The following HIF3A variants were observed in gnomAD, a reference collection of about 807,000 sequenced individuals.
HIF3A encodes hypoxia-inducible factor 3-alpha.
A neutral mutation model predicts 67.2 loss-of-function variants in HIF3A; 41 were observed. The ratio of observed to expected loss-of-function variants is 0.61; its 90% CI spans 0.48 to 0.79. The LOEUF is 0.79. HIF3A is among the 30% of genes least tolerant of loss of function. The pLI, the probability that HIF3A is intolerant of heterozygous loss-of-function variation, is 0.00. For missense variants in HIF3A, 855 were observed against 898.0 expected (o/e 0.95, Z 0.61); for synonymous variants, 356 against 374.8 (o/e 0.95, Z 0.58).
chr19:46,298,251 G>A (rs141357773), intron 1 of HIF3A: 13 of 403,446 alleles, frequency 3.2e-5, no homozygotes, highest in Non-Finnish European at 3.7e-5. Context: ...CCAGGCCCTG[G>A]CTCTGGGCCT....
At chr19:46,333,831 C>G (rs1156639696) in intron 13 of HIF3A, among the ~76,000 whole-genome samples, 1 of 112,692 alleles carries the variant, frequency 8.9e-6, no homozygotes, top group African/African-American at 3.6e-5. Flanking sequence ...CTCACTCTGT[C>G]GCCCAGGCTG....
At chr19:46,336,535 G>T (rs1971634924) in intron 14 of HIF3A, among the ~76,000 whole-genome samples, 1 of 151,878 alleles carries the variant, frequency 6.6e-6, no homozygotes, top group Non-Finnish European at 1.5e-5. Flanking sequence ...ACTTGACTTT[G>T]TGTGTTTGTG....
chr19:46,329,442 C>A lies in HIF3A; in HGVS notation c.1676C>A (p.Pro559His). 11 of 1,549,500 alleles carry A rather than the reference C, an allele frequency of 7.1e-6. No individual in the cohort carries two copies. Among genetic ancestry groups the A allele is most frequent in the Non-Finnish European group, 9.6e-6 (11 of 1,146,826 alleles). Residue 559 changes from proline to histidine, a missense_variant, in exon 12 of 15, where the codon CCC (proline) becomes CAC (histidine). This residue lies in a region of HIF3A where 199 missense variants were observed against 193.8 expected (regional missense o/e 1.03). Coordinates refer to ENST00000377670, the MANE Select transcript of HIF3A (RefSeq NM_152795.4). Reference sequence around the variant, plus strand: ...TGCTCCAGCCCTTCCAGAGGGGACCCCTCAGCATCCTCTCCCATGGCTGGG... The same window carrying A: ...TGCTCCAGCCCTTCCAGAGGGGACCACTCAGCATCCTCTCCCATGGCTGGG... ...LSCSSPSRGDPSASSPMAGAR... is the reference protein window; with the variant it reads ...LSCSSPSRGDHSASSPMAGAR...
chr19:46,309,007 G>T, intron 5 of HIF3A, 144 bp from the exon 6 acceptor site: 1 of 743,076 alleles, frequency 1.3e-6, no homozygotes, highest in South Asian at 1.9e-5. Context: ...CTGGGGCTGG[G>T]GATCCTCAGT....
chr19:46,315,814 C>T (rs917477403), intron 8 of HIF3A, among the ~76,000 whole-genome samples: 4 of 151,854 alleles, frequency 2.6e-5, no homozygotes. Context: ...CTTGGGAGGC[C>T]GAGACATGAG....
intron 8 of HIF3A, chr19:46,312,891 T>A (rs75277073): frequency 2.6e-5 from 4 of 154,712 alleles, no homozygotes; most frequent in Non-Finnish European, 3.7e-5. Context: ...AATTTTTTTT[T>A]TTTTTTTTTT....
At chr19:46,318,287 G>A (rs1238097142) in intron 8 of HIF3A, among the ~76,000 whole-genome samples, 2 of 151,398 alleles carry the variant, frequency 1.3e-5, no homozygotes, top group Non-Finnish European at 2.9e-5. Context: ...TAAACGGAAT[G>A]CTGGGCATGG....
At chr19:46,324,130 C>T (rs1279018038) in intron 10 of HIF3A, among the ~76,000 whole-genome samples, 1 of 152,236 alleles carries the variant, frequency 6.6e-6, no homozygotes, top group South Asian at 2.1e-4. Flanking sequence ...GGATTAAATC[C>T]TAAATCTGCC....
chr19:46,333,494 C>T (rs182786035), intron 13 of HIF3A, among the ~76,000 whole-genome samples: 1 of 152,242 alleles, frequency 6.6e-6, no homozygotes, highest in African/African-American at 2.4e-5. Context: ...AATACCCTAC[C>T]TGCTGGTGTC....
At chr19:46,338,462 C>A (rs1971786942) in intron 14 of HIF3A, 2 of 1,089,948 alleles carry the variant, frequency 1.8e-6, no homozygotes, top group Non-Finnish European at 2.3e-6. Flanking sequence ...CTTGGCCTCC[C>A]AAAGTGCTGG....
intron 10 of HIF3A, among the ~76,000 whole-genome samples, chr19:46,322,756 A>G (rs1970470151): frequency 6.6e-6 from 1 of 151,974 alleles, no homozygotes; most frequent in Admixed American, 6.6e-5. Context: ...GGTTTGATTA[A>G]TTTGCTGGAG....
chr19:46,301,451 G>T (rs1053411760), intron 1 of HIF3A, among the ~76,000 whole-genome samples: 1 of 152,156 alleles, frequency 6.6e-6, no homozygotes, highest in Non-Finnish European at 1.5e-5. Context: ...TCCCAGCTCA[G>T]CCAGTTGTTG....
At chr19:46,299,089 C>T (rs764534084) in intron 1 of HIF3A, among the ~76,000 whole-genome samples, 3 of 152,346 alleles carry the variant, frequency 2.0e-5, no homozygotes, top group South Asian at 4.1e-4. Flanking sequence ...ACCCTGAGCC[C>T]GCCAGGCCCT....
chr19:46,306,265 C>T (rs571770828), intron 3 of HIF3A, among the ~76,000 whole-genome samples: 155 of 152,024 alleles, frequency 1.0e-3, no homozygotes, highest in African/African-American at 3.7e-3. Context: ...AGAGGTTGTG[C>T]CAGAAAGGTA....
intron 14 of HIF3A, among the ~76,000 whole-genome samples, chr19:46,337,029 T>A (rs1971677056): frequency 6.7e-6 from 1 of 149,364 alleles, no homozygotes; most frequent in African/African-American, 2.5e-5. Context: ...CAAAAAAGAG[T>A]GGGAGATGAA....
At chr19:46,335,020 G>A (rs928135907) in intron 14 of HIF3A, 34 bp downstream of exon 14, 2 of 1,560,648 alleles carry the variant, frequency 1.3e-6, no homozygotes, top group Non-Finnish European at 1.8e-6. Flanking sequence ...GAGCCCCAGA[G>A]CACCTTCTCC....
intron 14 of HIF3A, 110 bp from the exon 15 acceptor site, chr19:46,339,415 C>G (rs908519236): frequency 2.7e-6 from 2 of 739,988 alleles, no homozygotes; most frequent in African/African-American, 3.6e-5. Context: ...TTCGAGTGTT[C>G]AATTTCCTTA....
At chr19:46,331,472 C>T (rs556938564) in intron 13 of HIF3A, 199 bp downstream of exon 13, 17 of 217,988 alleles carry the variant, frequency 7.8e-5, no homozygotes, top group African/African-American at 2.7e-4. Flanking sequence ...ACTGAGATTG[C>T]GCCACTGCAC....
chr19:46,309,005 G>A, intron 5 of HIF3A, 146 bp from the exon 6 acceptor site: 8 of 735,772 alleles, frequency 1.1e-5, no homozygotes, highest in African/African-American at 1.8e-5. Context: ...GCCTGGGGCT[G>A]GGGATCCTCA....
Sources: allele counts gnomAD v4.1 joint callset (sites outside exome capture counted in the v4.1 genomes callset), GRCh38; gene constraint gnomAD v4.1.1; regional missense constraint gnomAD v4.1.1; transcripts MANE v1.5; gene names NCBI Gene and HGNC (gene_info 2026-07-23, HGNC 2026-07-21).